Variants in PCED1B observed in about 807,000 individuals in gnomAD.
PCED1B encodes the protein PC-esterase domain-containing protein 1B.
For missense variants in PCED1B, 573 were observed against 573.9 expected (o/e 1.00, Z 0.02); for synonymous variants, 251 against 246.1 (o/e 1.02, Z -0.19).
intron 2 of PCED1B, among the ~76,000 whole-genome samples, chr12:47,144,100 C>T (rs1917663): frequency 0.57 from 87,212 of 151,950 alleles, 25,811 homozygotes; most frequent in Admixed American, 0.65. Context: ...GCATTTCTCA[C>T]GCCTAAAGAA....
At chr12:47,192,426 T>C (rs935454522) in intron 2 of PCED1B, among the ~76,000 whole-genome samples, 2 of 152,232 alleles carry the variant, frequency 1.3e-5, no homozygotes, top group African/African-American at 4.8e-5. Flanking sequence ...ATCGGCTCTA[T>C]CCAAATGGGT....
chr12:47,188,623 TA>T (rs1565591122), intron 2 of PCED1B, among the ~76,000 whole-genome samples: 1 of 152,152 alleles, frequency 6.6e-6, no homozygotes, highest in Non-Finnish European at 1.5e-5. Flanking sequence ...ATCCAGAAGT[TA>T]AAAACAAGAG....
chr12:47,133,945 G>A (rs1260189143), intron 2 of PCED1B, among the ~76,000 whole-genome samples: 2 of 152,224 alleles, frequency 1.3e-5, no homozygotes, highest in African/African-American at 4.8e-5. Context: ...GATACGAGAA[G>A]ATGGCAGGTT....
At chr12:47,218,664 T>A (rs1253357365) in intron 3 of PCED1B, among the ~76,000 whole-genome samples, 5 of 150,942 alleles carry the variant, frequency 3.3e-5, no homozygotes, top group African/African-American at 9.7e-5. Flanking sequence ...TTTTTAATTT[T>A]TTTTCTTTTT....
At chr12:47,135,513 T>G (rs974608126) in intron 2 of PCED1B, 2 of 498,232 alleles carry the variant, frequency 4.0e-6, no homozygotes, top group Non-Finnish European at 8.2e-6. Context: ...AGATCAGCAC[T>G]GAGATGATGA....
chr12:47,082,308 A>G (rs1047428769), intron 1 of PCED1B, among the ~76,000 whole-genome samples: 3 of 152,204 alleles, frequency 2.0e-5, no homozygotes, highest in African/African-American at 7.2e-5. Flanking sequence ...AACCTATTCA[A>G]AGTGGTTAAG....
At chr12:47,130,738 T>C (rs1447096677) in intron 2 of PCED1B, among the ~76,000 whole-genome samples, 1 of 152,030 alleles carries the variant, frequency 6.6e-6, no homozygotes, top group East Asian at 1.9e-4. Context: ...CAATTAACTT[T>C]AGCATTAAAG....
intron 3 of PCED1B, among the ~76,000 whole-genome samples, chr12:47,230,530 G>A (rs1159522603): frequency 1.1e-4 from 16 of 151,704 alleles, no homozygotes; most frequent in African/African-American, 3.2e-4. Flanking sequence ...TGCAACCTCC[G>A]CCTCCCAGGT....
At chr12:47,098,727 C>T (rs1938581443) in intron 1 of PCED1B, among the ~76,000 whole-genome samples, 1 of 152,130 alleles carries the variant, frequency 6.6e-6, no homozygotes, top group Admixed American at 6.5e-5. Context: ...CGTGATCCGC[C>T]CGCCTCCGCC....
chr12:47,154,363 G>GGTTTTGTTTT lies in PCED1B; in HGVS notation c.-526+50184_-526+50193dup, dbSNP rs1374803153. Among the ~76,000 whole-genome samples the GGTTTTGTTTT allele has an allele frequency of 2.6e-4, 40 of 152,130 alleles. 1 individual carries two copies. The East Asian group carries it at 5.6e-3, about 21-fold the overall frequency. Reference sequence around the variant, plus strand: ...CATGCTTAGCACCTGAGGGAGCTGGGGTTTTGTTTTGTTTTGTTTTGTTTT... The same window carrying GGTTTTGTTTT: ...CATGCTTAGCACCTGAGGGAGCTGGGGTTTTGTTTTGTTTTGTTTTGTTTTGTTTTGTTTT... On this transcript the variant is annotated intron_variant, in intron 2 of 3. Coordinates refer to ENST00000546455, the MANE Select transcript of PCED1B (RefSeq NM_138371.3).
chr12:47,226,570 T>C (rs1002773715), intron 3 of PCED1B, among the ~76,000 whole-genome samples: 3 of 152,224 alleles, frequency 2.0e-5, no homozygotes, highest in African/African-American at 7.2e-5. Flanking sequence ...ACACGGGGTT[T>C]CAACATGTTG....
intron 2 of PCED1B, among the ~76,000 whole-genome samples, chr12:47,109,855 C>T (rs1210926394): frequency 6.6e-6 from 1 of 152,096 alleles, no homozygotes; most frequent in African/African-American, 2.4e-5. Context: ...TTAAAAAGTG[C>T]CTCGGGTGAT....
chr12:47,112,922 C>A, intron 2 of PCED1B, among the ~76,000 whole-genome samples: 1 of 152,222 alleles, frequency 6.6e-6, no homozygotes, highest in East Asian at 1.9e-4. Flanking sequence ...CTTGCACATA[C>A]GACTGCCCTG....
At chr12:47,161,139 A>C (rs913513040) in intron 2 of PCED1B, among the ~76,000 whole-genome samples, 2 of 152,188 alleles carry the variant, frequency 1.3e-5, no homozygotes, top group Non-Finnish European at 2.9e-5. Context: ...AGCTAAGTCA[A>C]CTTTTCTTTA....
intron 3 of PCED1B, among the ~76,000 whole-genome samples, chr12:47,231,021 G>A (rs1592326168): frequency 6.6e-6 from 1 of 152,152 alleles, no homozygotes; most frequent in Non-Finnish European, 1.5e-5. Context: ...ACTTGCCCAA[G>A]TTCAAAATGC....
intron 3 of PCED1B, among the ~76,000 whole-genome samples, chr12:47,217,842 G>C (rs1361880568): frequency 6.6e-6 from 1 of 152,232 alleles, no homozygotes; most frequent in Non-Finnish European, 1.5e-5. Context: ...CTCCCAAAGT[G>C]TTGGGATTAC....
chr12:47,195,134 G>T (rs1942562748), intron 2 of PCED1B, among the ~76,000 whole-genome samples: 1 of 152,022 alleles, frequency 6.6e-6, no homozygotes, highest in Admixed American at 6.6e-5. Context: ...TTCGAGACCA[G>T]CCTGACCAAC....
intron 2 of PCED1B, among the ~76,000 whole-genome samples, chr12:47,144,763 C>G (rs1940723754): frequency 6.6e-6 from 1 of 152,210 alleles, no homozygotes; most frequent in Non-Finnish European, 1.5e-5. Context: ...CCACCAACAG[C>G]AAACTTAATC....
intron 2 of PCED1B, among the ~76,000 whole-genome samples, chr12:47,143,580 A>G (rs1312835067): frequency 1.3e-5 from 2 of 152,226 alleles, no homozygotes; most frequent in Admixed American, 1.3e-4. Context: ...AGAAATAAGG[A>G]AGACACAAGT....
Sources: gnomAD v4.1 joint callset for allele counts (sites outside exome capture counted in the v4.1 genomes callset) on GRCh38, gnomAD v4.1.1 for gene constraint, MANE v1.5 for transcripts, NCBI Gene and HGNC (gene_info 2026-07-23, HGNC 2026-07-21) for gene names.